The following ECI1 variants were observed in gnomAD, a reference collection of about 807,000 sequenced individuals.
ECI1 encodes the protein enoyl-CoA delta isomerase 1, also known as enoyl-CoA delta isomerase 1, mitochondrial.
ECI1 carries 34 observed loss-of-function variants against 34.2 expected under a neutral mutation model. The ratio of observed to expected loss-of-function variants is 1.00; its 90% confidence interval spans 0.76 to 1.33. The LOEUF is 1.33. ECI1 is among the 40% of genes most tolerant of loss of function. The pLI, the probability that ECI1 is intolerant of heterozygous loss-of-function variation, is 0.00. For synonymous variants in ECI1, 211 were observed against 193.0 expected, an observed-to-expected ratio of 1.09 and a Z score of -0.77; for missense variants, 456 against 422.2, an observed-to-expected ratio of 1.08 and a Z score of -0.70.
chr16:2,242,184 G>T (rs888016649), intron 6 of ECI1, among the ~76,000 whole-genome samples: 1 of 151,596 alleles, frequency 6.6e-6, no homozygotes, highest in African/African-American at 2.4e-5. Context: ...GTAGAGATGG[G>T]GTTTCACCAT....
rs1226872495 is a variant in ECI1 at position 2,244,524 on chromosome 16, A to G, written c.323T>C (p.Leu108Pro). ...CCTCCCACACATCTCCGTCAGGTCC[A>G]GGCCGGCCGAGAAGACACCCGGGCG... ...SDRPGVFSAG[L>P]DLTEMCGRSP... The change falls in exon 4 of 7, where the codon CTG becomes CCG. Residue 108 changes from leucine (L) to proline (P), a missense_variant. Coordinates refer to ENST00000301729, the MANE Select transcript of ECI1 (RefSeq NM_001919.4). The G allele has an allele frequency of 6.3e-7, 1 of 1,594,486 alleles. No homozygotes were observed. Among genetic ancestry groups the G allele is most frequent in the South Asian group, 1.1e-5 (1 of 88,098 alleles).
At chr16:2,249,204 C>T (rs1227776335) in intron 2 of ECI1, among the ~76,000 whole-genome samples, 1 of 152,008 alleles carries the variant, frequency 6.6e-6, no homozygotes, top group Non-Finnish European at 1.5e-5. Context: ...CGCCACCACG[C>T]CCGGCTAATT....
intron 6 of ECI1, 198 bp from the exon 7 acceptor site, chr16:2,240,343 C>T: frequency 1.8e-6 from 1 of 554,650 alleles, no homozygotes; most frequent in Non-Finnish European, 3.2e-6. Context: ...TCTTGAGTAG[C>T]TGGGATTACA....
intron 2 of ECI1, 48 bp from the exon 3 acceptor site, chr16:2,247,034 G>A (rs759986682): frequency 5.6e-5 from 90 of 1,603,692 alleles, no homozygotes; most frequent in Admixed American, 8.4e-5. Flanking sequence ...CACTGGAAAA[G>A]CAGCCTGACC....
At chr16:2,240,519 TTTTTGTTTTG>T in intron 6 of ECI1, 1 of 274,564 alleles carries the variant, frequency 3.6e-6, no homozygotes. Context: ...CCCTAATTTT[TTTTTGTTTTG>T]TTTTGTTTTT....
chr16:2,245,819 C>T (rs968605262), intron 3 of ECI1, among the ~76,000 whole-genome samples: 3 of 151,998 alleles, frequency 2.0e-5, no homozygotes, highest in South Asian at 2.1e-4. Flanking sequence ...TCAAGACCAA[C>T]GTGGGCAATA....
In ECI1 at chr16:2,243,223, A is replaced by G; in HGVS notation, c.565T>C (p.Leu189=). The change falls in exon 6 of 7, where the codon TTG becomes CTG. Residue 189 remains leucine (L), a splice_region_variant and synonymous_variant. Coordinates refer to ENST00000301729, the MANE Select transcript of ECI1 (RefSeq NM_001919.4). ...TQLGIIAPFW[L]KDTLENTIGH... is the part of the protein sequence containing the mutation. ...ATGGTGTTCTCCAGGGTGTCTTTCA[A>G]CCTGGAAATGCAGACACCCACTCAC... 6.2e-7 allele frequency: 1 copy of G among 1,612,380 alleles called. No individual in the cohort carries two copies.
Position 2,247,000 on chromosome 16 carries a change from T to C in ECI1, c.167-14A>G. The stretch of plus-strand genomic sequence containing the variant: ...TCACAGCGACCCCTAATTTAAAGAA[T>C]GAGAAGAGAAAGCTCACACCTGGCA... On this transcript the variant is annotated splice_polypyrimidine_tract_variant and intron_variant, in intron 2 of 6. Transcript: ENST00000301729. 2 of 1,611,938 alleles carry C rather than the reference T, an allele frequency of 1.2e-6. No individual in the cohort carries two copies. The highest frequency in any genetic ancestry group is 8.5e-7 in the Non-Finnish European group (1 of 1,179,606).
In ECI1 at chr16:2,239,723, A is replaced by G. The variant is rs1403035267; in HGVS notation, c.*256T>C. On this transcript the variant is annotated 3_prime_UTR_variant, in exon 7 of 7. Transcript: ENST00000301729. ...TCCGTGGCAACCTCACCAGGTCCAG[A>G]ATGGCATCCCCTGCCAGTCACAATC... is the stretch of plus-strand genomic sequence containing the variant. The G allele has an allele frequency of 7.6e-6, 4 of 526,894 alleles. No individual in the cohort carries two copies. In the African/African-American group the frequency reaches 7.7e-5, roughly 10 times the overall value. 32.6% of individuals were successfully genotyped at this position (526,894 alleles called of 1,614,324 possible).
In ECI1 at chr16:2,251,363, C is replaced by T. The variant is rs781278028; in HGVS notation, c.119G>A (p.Arg40Gln). 2 of 1,247,590 alleles carry T rather than the reference C, an allele frequency of 1.6e-6. No homozygotes were observed. The highest frequency in any genetic ancestry group is 3.2e-5 in the South Asian group (1 of 31,722). 77.3% of individuals were successfully genotyped at this position (1,247,590 alleles called of 1,614,324 possible). ...CAGCACCCGCTGGCTCCCGAAGCGC[C>T]GCGCGCCGTCTCCGCCGCCGGCCGC... ...ERAAGGGDGA[R>Q]RFGSQRVLVE... Residue 40 changes from arginine (R) to glutamine (Q), a missense_variant, in exon 2 of 7, where the codon CGG (arginine) becomes CAG (glutamine). Coordinates refer to ENST00000301729, the MANE Select transcript of ECI1 (RefSeq NM_001919.4).
In ECI1 at chr16:2,239,653, T is replaced by C; in HGVS notation, c.*326A>G. The C allele has an allele frequency of 2.5e-6, 1 of 394,364 alleles. No homozygotes were observed. Among genetic ancestry groups the C allele is most frequent in the Non-Finnish European group, 4.8e-6 (1 of 206,462 alleles). The allele number at this position is 394,364 out of a possible 1,614,324, so 24.4% of individuals were successfully genotyped here. On this transcript the variant is annotated 3_prime_UTR_variant, in exon 7 of 7. Coordinates refer to ENST00000301729, the MANE Select transcript of ECI1 (RefSeq NM_001919.4). ...CAGGCAGTCCAAAGGCCAGAATGGATGACCAGGGACTTGACTTACGATTCT... is the reference window on the plus strand; with the variant it reads ...CAGGCAGTCCAAAGGCCAGAATGGACGACCAGGGACTTGACTTACGATTCT...
At chr16:2,244,106 C>T (rs1042123971) in intron 4 of ECI1, 82 of 480,546 alleles carry the variant, frequency 1.7e-4, no homozygotes, top group African/African-American at 8.6e-4. Context: ...AATGTGGGTC[C>T]GATCACCCAC....
chr16:2,245,202 G>A (rs2093537460), intron 3 of ECI1, among the ~76,000 whole-genome samples: 1 of 152,172 alleles, frequency 6.6e-6, no homozygotes, highest in Non-Finnish European at 1.5e-5. Flanking sequence ...AGCCCCCTGA[G>A]CAAATGACAA....
At position 2,251,393 on chromosome 16, in the gene ECI1, T is replaced by A. The variant is rs908632841; in HGVS notation, c.89A>T (p.Glu30Val). ...RLPGAALGRT[E>V]RAAGGGDGAR... ...GCCGTCTCCGCCGCCGGCCGCCCGC[T>A]CCGTCCGCCCGAGGGCCGCGCCCGG... Residue 30 changes from glutamate (E) to valine (V), a missense_variant, in exon 2 of 7, where the codon GAG becomes GTG. Transcript: ENST00000301729. 4 of 1,276,116 alleles carry A rather than the reference T, an allele frequency of 3.1e-6. No homozygotes were observed. Among genetic ancestry groups the A allele is most frequent in the Non-Finnish European group, 3.9e-6 (4 of 1,014,042 alleles). The allele number at this position is 1,276,116 out of a possible 1,614,324, so 79.0% of individuals were successfully genotyped here.
Position 2,246,890 on chromosome 16 carries a change from T to C in ECI1, c.263A>G (p.Asp88Gly). Reference sequence around the variant, plus strand: ...CAGAATGACACCGCGGAAGCTCTTGTCATTCTCCAGCTTCTCCAGGCTGAT... The same window carrying C: ...CAGAATGACACCGCGGAAGCTCTTGCCATTCTCCAGCTTCTCCAGGCTGAT... ...LVISLEKLENDKSFRGVILTS... is the reference protein window; with the variant it reads ...LVISLEKLENGKSFRGVILTS... The change falls in exon 3 of 7, where the codon GAC becomes GGC. Residue 88 changes from aspartate to glycine, a missense_variant. Physicochemically the swap from Asp to Gly is moderately conservative, Grantham distance 94. Transcript: ENST00000301729. 1 of 1,613,602 alleles carries C rather than the reference T, an allele frequency of 6.2e-7. No individual in the cohort carries two copies. The highest frequency in any genetic ancestry group is 1.1e-5 in the South Asian group (1 of 91,048).
chr16:2,246,009 A>T (rs2093539320), intron 3 of ECI1, among the ~76,000 whole-genome samples: 1 of 152,130 alleles, frequency 6.6e-6, no homozygotes, highest in African/African-American at 2.4e-5. Context: ...TGGGAGGCCG[A>T]GGTGGGCAGA....
intron 2 of ECI1, among the ~76,000 whole-genome samples, chr16:2,247,839 T>C (rs1297852695): frequency 6.6e-6 from 1 of 152,152 alleles, no homozygotes; most frequent in Non-Finnish European, 1.5e-5. Context: ...GCTGAGTAGC[T>C]GGGATTATAG....
chr16:2,239,760 G>A lies in ECI1; in HGVS notation c.*219C>T. ...TGCCAGTCACAATCCCAAGTCAAAA[G>A]GCTGCCCTCCAACTCCCCTTGCCTG... On this transcript the variant is annotated 3_prime_UTR_variant, in exon 7 of 7. Coordinates refer to ENST00000301729, the MANE Select transcript of ECI1 (RefSeq NM_001919.4). The A allele has an allele frequency of 1.7e-6, 1 of 586,278 alleles. No homozygotes were observed. The highest frequency in any genetic ancestry group is 1.9e-5 in the South Asian group (1 of 51,446). The allele number at this position is 586,278 out of a possible 1,614,324, so 36.3% of individuals were successfully genotyped here.
At position 2,249,876 on chromosome 16, in the gene ECI1, C is replaced by CAAAAAAAA. The variant is rs869259386; in HGVS notation, c.166+1432_166+1439dup. Among the ~76,000 whole-genome samples the CAAAAAAAA allele has an allele frequency of 7.2e-3, 147 of 20,346 alleles. 33 individuals carry two copies. The highest frequency in any genetic ancestry group is 7.8e-3 in the Non-Finnish European group (103 of 13,174). 13.3% of individuals were successfully genotyped at this position (20,346 alleles called of 152,430 possible). ...CTGGCGACAGAGCAAGACTCCGTCT[C>CAAAAAAAA]AAAAAAAAAAAAAAAAAAAAAAAAA... On this transcript the variant is annotated intron_variant, in intron 2 of 6. Coordinates refer to ENST00000301729, the MANE Select transcript of ECI1 (RefSeq NM_001919.4).
Sources: allele counts gnomAD v4.1 joint callset (sites outside exome capture counted in the v4.1 genomes callset), GRCh38; gene constraint gnomAD v4.1.1; transcripts MANE v1.5; gene names NCBI Gene and HGNC (gene_info 2026-07-23, HGNC 2026-07-21).